Variants in GPM6A observed in about 807,000 individuals in gnomAD.
GPM6A encodes glycoprotein M6A, also known as neuronal membrane glycoprotein M6-a.
In GPM6A, 7 loss-of-function variants were observed where a neutral mutation model predicts 32.1. The observed-to-expected ratio is 0.22, with a 90% CI of 0.12 to 0.41. GPM6A has a LOEUF of 0.41. Among genes scored for constraint, GPM6A ranks in the 10% least tolerant of loss-of-function variants. The pLI is 1.00. For synonymous variants in GPM6A, 130 were observed against 123.4 expected (o/e 1.05, Z -0.35); for missense variants, 235 against 347.2 (o/e 0.68, Z 2.57).
chr4:175,896,992 A>T (rs577016618), intron 1 of GPM6A, among the ~76,000 whole-genome samples: 1 of 152,146 alleles, frequency 6.6e-6, no homozygotes, highest in South Asian at 2.1e-4. Flanking sequence ...GCACTTAAAG[A>T]TCTCGTTTGC....
At position 175,637,115 on chromosome 4, in the gene GPM6A, GATATATA is replaced by G. The variant is rs1332038444; in HGVS notation, c.685-2065_685-2059del. On this transcript the variant is annotated intron_variant, in intron 6 of 6. Coordinates refer to ENST00000393658, the MANE Select transcript of GPM6A (RefSeq NM_201591.3). Reference sequence around the variant, plus strand: ...ATATCATATATAATATATTATATGTGATATATAATATATAATATATTATATATGATAT... The same window carrying G: ...ATATCATATATAATATATTATATGTGATATATAATATATTATATATGATAT... Among the ~76,000 whole-genome samples, 132 of 71,012 alleles carry G rather than the reference GATATATA, an allele frequency of 1.9e-3. No homozygotes were observed. The Middle Eastern group carries it at 0.022, about 12-fold the overall frequency. 46.6% of individuals were successfully genotyped at this position (71,012 alleles called of 152,430 possible). A position where few individuals can be genotyped will look rare whatever the true frequency, so the allele number is the denominator to read the frequency against.
chr4:175,998,288 G>A (rs1741371964), intron 1 of GPM6A, among the ~76,000 whole-genome samples: 1 of 151,986 alleles, frequency 6.6e-6, no homozygotes, highest in Non-Finnish European at 1.5e-5. Flanking sequence ...CGAGTAGCTG[G>A]GATTACAGGC....
intron 1 of GPM6A, among the ~76,000 whole-genome samples, chr4:175,732,163 C>A (rs965122870): frequency 6.6e-6 from 1 of 151,766 alleles, no homozygotes; most frequent in African/African-American, 2.4e-5. Context: ...GACAGGATTT[C>A]ACCATGTTGG....
At chr4:175,882,276 T>A (rs1395610917) in intron 1 of GPM6A, among the ~76,000 whole-genome samples, 1 of 152,036 alleles carries the variant, frequency 6.6e-6, no homozygotes, top group African/African-American at 2.4e-5. Context: ...AGCTCTAATA[T>A]GTACTTATTA....
At chr4:175,943,063 GT>G (rs991138142) in intron 1 of GPM6A, among the ~76,000 whole-genome samples, 6 of 152,120 alleles carry the variant, frequency 3.9e-5, no homozygotes, top group African/African-American at 1.2e-4. Context: ...TCCTTGAGAA[GT>G]GGTTTGTAGT....
At chr4:175,654,243 C>G (rs1741953102) in intron 3 of GPM6A, 1 of 152,138 alleles carries the variant, frequency 6.6e-6, no homozygotes, top group African/African-American at 2.4e-5. Flanking sequence ...AACTAAATAT[C>G]ACGTGCATTT....
chr4:175,935,454 T>C (rs1739186926), intron 1 of GPM6A, among the ~76,000 whole-genome samples: 1 of 152,200 alleles, frequency 6.6e-6, no homozygotes, highest in Admixed American at 6.5e-5. Context: ...CCTGCCCAGC[T>C]GAATATTCTG....
chr4:175,830,096 G>T (rs1196073187), intron 1 of GPM6A, among the ~76,000 whole-genome samples: 1 of 152,068 alleles, frequency 6.6e-6, no homozygotes, highest in Admixed American at 6.6e-5. Context: ...GAGAGAGAGA[G>T]AATGAGACAG....
intron 1 of GPM6A, among the ~76,000 whole-genome samples, chr4:175,718,633 A>C (rs3104188): frequency 0.48 from 72,520 of 151,556 alleles, 18,347 homozygotes; most frequent in Middle Eastern, 0.56. Context: ...ATATAATGAA[A>C]TATTTACATT....
chr4:175,888,151 A>C (rs1737520961), intron 1 of GPM6A, among the ~76,000 whole-genome samples: 1 of 152,012 alleles, frequency 6.6e-6, no homozygotes, highest in Non-Finnish European at 1.5e-5. Context: ...TCTGAGTACA[A>C]AGATAGCTTA....
At chr4:175,866,275 C>T (rs921862018) in intron 1 of GPM6A, among the ~76,000 whole-genome samples, 1 of 152,130 alleles carries the variant, frequency 6.6e-6, no homozygotes, top group Non-Finnish European at 1.5e-5. Flanking sequence ...CCCACATTAA[C>T]ACATCATAAT....
intron 1 of GPM6A, among the ~76,000 whole-genome samples, chr4:175,713,071 T>A (rs759150093): frequency 1.4e-4 from 21 of 152,180 alleles, no homozygotes; most frequent in Non-Finnish European, 2.8e-4. Context: ...AAGTCTAACA[T>A]GCCATAAAGA....
chr4:175,957,243 C>T (rs1740016073), intron 1 of GPM6A, among the ~76,000 whole-genome samples: 1 of 152,148 alleles, frequency 6.6e-6, no homozygotes, highest in Non-Finnish European at 1.5e-5. Flanking sequence ...TTCTTCTCCA[C>T]CCACACCACT....
intron 1 of GPM6A, among the ~76,000 whole-genome samples, chr4:175,805,099 C>T (rs1056879244): frequency 2.0e-5 from 3 of 151,112 alleles, no homozygotes; most frequent in African/African-American, 4.9e-5. Context: ...TCCACCAACA[C>T]AGGAAATGTG....
intron 4 of GPM6A, among the ~76,000 whole-genome samples, chr4:175,643,758 G>A (rs951711964): frequency 1.3e-5 from 2 of 152,004 alleles, no homozygotes; most frequent in South Asian, 2.1e-4. Flanking sequence ...GCTGGTGATC[G>A]GCAGCTTCTT....
rs555990232 is a variant in GPM6A, at chr4:175,633,553, G to A, written c.*1352C>T. On this transcript the variant is annotated 3_prime_UTR_variant, in exon 7 of 7. Transcript: ENST00000393658. Reference sequence around the variant, plus strand: ...CCTAGTTTTATACACTGAAAAAAATGTCTTGTCAGGCTACATCATTTTAGA... The same window carrying A: ...CCTAGTTTTATACACTGAAAAAAATATCTTGTCAGGCTACATCATTTTAGA... 1.3e-5 allele frequency: 2 copies of A among 152,386 alleles called. No individual in the cohort carries two copies. Among genetic ancestry groups the A allele is most frequent in the Admixed American group, 6.6e-5 (1 of 15,248 alleles). The allele number at this position is 152,386 out of a possible 1,614,324, so 9.4% of individuals were successfully genotyped here.
rs551192883 is a variant in GPM6A, at chr4:175,774,776, TGAA to T, written c.37+37412_37+37414del. On this transcript the variant is annotated intron_variant, in intron 1 of 6. Coordinates refer to ENST00000393658, the MANE Select transcript of GPM6A (RefSeq NM_201591.3). ...TAAAAACTCAGTCATGGCTGTCTAA[TGAA>T]GGACATTTTTCCTGGGAAAGCTTAA... Among the ~76,000 whole-genome samples the T allele has an allele frequency of 2.6e-3, 402 of 152,240 alleles. 1 individual carries two copies. The highest frequency in any genetic ancestry group is 9.1e-3 in the African/African-American group (378 of 41,590).
chr4:175,959,754 G>A (rs930144186), intron 1 of GPM6A, among the ~76,000 whole-genome samples: 4 of 152,106 alleles, frequency 2.6e-5, no homozygotes, highest in Non-Finnish European at 5.9e-5. Flanking sequence ...AGAGTGAAAG[G>A]AACTATTTTA....
intron 1 of GPM6A, chr4:175,808,558 T>A (rs1270231804): frequency 6.6e-6 from 1 of 152,200 alleles, no homozygotes; most frequent in African/African-American, 2.4e-5. Flanking sequence ...TGGCTGTATA[T>A]TGCTGTTTGA....
Sources: gnomAD v4.1 joint callset for allele counts (sites outside exome capture counted in the v4.1 genomes callset) on GRCh38, gnomAD v4.1.1 for gene constraint, MANE v1.5 for transcripts, NCBI Gene and HGNC (gene_info 2026-07-23, HGNC 2026-07-21) for gene names.